Variants in ZNF461 observed in about 807,000 individuals in gnomAD.
ZNF461 encodes gonadotropin-inducible ovarian transcription factor-1.
A neutral mutation model predicts 18.3 loss-of-function variants in ZNF461; 16 were observed. The observed-to-expected ratio is 0.88, with a 90% CI of 0.59 to 1.33. ZNF461 has a LOEUF of 1.33. ZNF461 is among the 40% of genes most tolerant of loss of function. ZNF461 has a pLI of 0.00. For synonymous variants in ZNF461, 179 were observed against 216.9 expected, an observed-to-expected ratio of 0.83 and a Z score of 1.54; for missense variants, 595 against 669.9, an observed-to-expected ratio of 0.89 and a Z score of 1.23.
At chr19:36,658,520 G>T in intron 2 of ZNF461, 95 bp from the exon 3 acceptor site, 1 of 1,269,300 alleles carries the variant, frequency 7.9e-7, no homozygotes, top group Non-Finnish European at 1.1e-6. Flanking sequence ...CAAGGAAGGA[G>T]ACAGTCTACT....
chr19:36,658,451 T>A (rs745927882), intron 2 of ZNF461, 26 bp from the exon 3 acceptor site: 2 of 1,564,266 alleles, frequency 1.3e-6, no homozygotes, highest in African/African-American at 1.4e-5. Flanking sequence ...ATAGTACTAT[T>A]TTTGAAATTA....
chr19:36,659,560 A>G (rs1401610523), intron 2 of ZNF461, among the ~76,000 whole-genome samples: 3 of 152,210 alleles, frequency 2.0e-5, no homozygotes, highest in Admixed American at 2.0e-4. Flanking sequence ...GGTATGAGAC[A>G]CTGCACCTAG....
chr19:36,652,329 TAA>T (rs112406782), intron 4 of ZNF461, among the ~76,000 whole-genome samples: 15 of 138,838 alleles, frequency 1.1e-4, no homozygotes, highest in Non-Finnish European at 1.1e-4. Flanking sequence ...CCGCCTCTAC[TAA>T]AAAAAAAAAA....
intron 4 of ZNF461, 88 bp from the exon 5 acceptor site, chr19:36,643,950 T>C (rs1397328040): frequency 3.5e-6 from 4 of 1,139,650 alleles, no homozygotes; most frequent in Admixed American, 6.8e-5. Context: ...TTTTTCTTTT[T>C]AGACAGAGTT....
intron 5 of ZNF461, among the ~76,000 whole-genome samples, chr19:36,640,480 TTTTA>T: frequency 6.6e-6 from 1 of 152,350 alleles, no homozygotes; most frequent in East Asian, 1.9e-4. Flanking sequence ...ACCCATGGCT[TTTTA>T]TTTGAGAATA....
At chr19:36,644,462 T>A (rs1451871313) in intron 4 of ZNF461, among the ~76,000 whole-genome samples, 1 of 146,118 alleles carries the variant, frequency 6.8e-6, no homozygotes, top group East Asian at 2.1e-4. Flanking sequence ...AGAGATGGGG[T>A]TTCACCATGT....
chr19:36,640,074 G>C, intron 5 of ZNF461, 31 bp from the exon 6 acceptor site: 1 of 1,531,254 alleles, frequency 6.5e-7, no homozygotes, highest in Non-Finnish European at 8.8e-7. Flanking sequence ...TTTAACTCCT[G>C]GTTTTGTACT....
Position 36,639,252 on chromosome 19 carries a change from T to G in ZNF461, c.1093A>C (p.Thr365Pro), listed in dbSNP as rs1237998826. ...KPYECKECGKTFRHRSHLTIH... is the reference protein window; with the variant it reads ...KPYECKECGKPFRHRSHLTIH... ...GTAAGATGTGAGCGATGCCTAAAAG[T>G]CTTTCCACATTCTTTACATTCATAA... The change falls in exon 6 of 6, where the codon ACT (threonine) becomes CCT (proline). Residue 365 changes from threonine (T) to proline (P), a missense_variant. Thr to Pro is a conservative substitution (Grantham distance 38). Transcript: ENST00000588268. The G allele has an allele frequency of 1.2e-6, 2 of 1,613,894 alleles. No individual in the cohort carries two copies. The highest frequency in any genetic ancestry group is 3.3e-5 in the Admixed American group (2 of 59,992).
rs1192924278 is a variant in ZNF461, at chr19:36,639,344, C to T, written c.1001G>A (p.Cys334Tyr). Residue 334 changes from cysteine to tyrosine, a missense_variant, in exon 6 of 6, where the codon TGT becomes TAT. Cys to Tyr is a radical substitution (Grantham distance 194, BLOSUM62 -2). Coordinates refer to ENST00000588268, the MANE Select transcript of ZNF461 (RefSeq NM_153257.5). ...AAAGCCACGAATAAAAGCCTTCCCA[C>T]ATTGCTTACATTCATAGGGTTTTTC... is the stretch of plus-strand genomic sequence containing the variant. ...TGEKPYECKQ[C>Y]GKAFIRGFQL... The T allele has an allele frequency of 1.2e-6, 2 of 1,614,080 alleles. No individual in the cohort carries two copies. Among genetic ancestry groups the T allele is most frequent in the South Asian group, 2.2e-5 (2 of 91,078 alleles).
At chr19:36,656,661 C>T (rs760757147) in intron 3 of ZNF461, 118 bp from the exon 4 acceptor site, 4 of 746,230 alleles carry the variant, frequency 5.4e-6, no homozygotes, top group Non-Finnish European at 6.5e-6. Flanking sequence ...ATAAGGGATA[C>T]AGAGGAAATA....
intron 1 of ZNF461, among the ~76,000 whole-genome samples, chr19:36,665,554 C>A (rs1459171974): frequency 1.3e-5 from 2 of 151,880 alleles, no homozygotes; most frequent in East Asian, 3.9e-4. Context: ...ACTAAAAATA[C>A]AAAAATTAGC....
Position 36,639,268 on chromosome 19 carries a change from ACATTCATAAGGTTT to A in ZNF461, c.1063_1076del (p.Lys355Ter), listed in dbSNP as rs1415019436. 1 of 1,614,118 alleles carries A rather than the reference ACATTCATAAGGTTT, an allele frequency of 6.2e-7. No individual in the cohort carries two copies. The highest frequency in any genetic ancestry group is 1.3e-5 in the African/African-American group (1 of 75,030). On this transcript the variant is annotated frameshift_variant, in exon 6 of 6. Transcript: ENST00000588268. LOFTEE classifies it low-confidence loss of function (END_TRUNC). ...GCCTAAAAGTCTTTCCACATTCTTTACATTCATAAGGTTTCTCTCCAGTATGGAGTCGCAGGTGT... is the reference window on the plus strand; with the variant it reads ...GCCTAAAAGTCTTTCCACATTCTTTACTCTCCAGTATGGAGTCGCAGGTGT...
chr19:36,654,371 T>C (rs956736766), intron 4 of ZNF461, among the ~76,000 whole-genome samples: 1 of 152,150 alleles, frequency 6.6e-6, no homozygotes, highest in Non-Finnish European at 1.5e-5. Context: ...TAGCACTTGA[T>C]TGATTGATTG....
intron 3 of ZNF461, among the ~76,000 whole-genome samples, chr19:36,657,279 G>C (rs1401405134): frequency 1.3e-5 from 2 of 151,852 alleles, no homozygotes; most frequent in African/African-American, 4.8e-5. Context: ...TCAGGAATTC[G>C]AGACCAGCCT....
chr19:36,640,032 T>C lies in ZNF461; in HGVS notation c.313A>G (p.Arg105Gly), dbSNP rs750582369. 2.9e-5 allele frequency: 47 copies of C among 1,604,028 alleles called. No homozygotes were observed. In the South Asian group the frequency reaches 5.0e-4, roughly 17 times the overall value. ...GGAGATAACTTCTGGGGCTCATCTC[T>C]GGATGCCAAGTCTGAAAGATAAGAA... ...ATDINADLAS[R>G]DEPQKLSPKR... The change falls in exon 6 of 6, where the codon AGA becomes GGA. Residue 105 changes from arginine to glycine, a missense_variant. Transcript: ENST00000588268.
intron 4 of ZNF461, among the ~76,000 whole-genome samples, chr19:36,646,356 T>C (rs1244052176): frequency 6.6e-6 from 1 of 152,130 alleles, no homozygotes; most frequent in Non-Finnish European, 1.5e-5. Context: ...GGTCTCGAAC[T>C]CCTGACCTCA....
intron 2 of ZNF461, 82 bp downstream of exon 2, chr19:36,664,616 C>A (rs2037872855): frequency 2.7e-6 from 3 of 1,098,810 alleles, no homozygotes; most frequent in Non-Finnish European, 3.8e-6. Flanking sequence ...AGCAAATAGT[C>A]ACATGCCCTA....
At chr19:36,661,313 T>C (rs564573898) in intron 2 of ZNF461, among the ~76,000 whole-genome samples, 1 of 151,262 alleles carries the variant, frequency 6.6e-6, no homozygotes, top group Admixed American at 6.6e-5. Context: ...TTGTAATATG[T>C]TTACATTATA....
intron 4 of ZNF461, among the ~76,000 whole-genome samples, chr19:36,656,221 G>A (rs547667741): frequency 2.6e-5 from 4 of 151,900 alleles, no homozygotes; most frequent in African/African-American, 4.8e-5. Flanking sequence ...TCCTGACCTC[G>A]TGATCTGCCC....
Sources: allele counts gnomAD v4.1 joint callset (sites outside exome capture counted in the v4.1 genomes callset), GRCh38; gene constraint gnomAD v4.1.1; transcripts MANE v1.5; gene names NCBI Gene and HGNC (gene_info 2026-07-23, HGNC 2026-07-21).